Variants in PLD5 observed in about 807,000 individuals in gnomAD.
PLD5 encodes the protein inactive phospholipase D5.
Under a neutral mutation model 61.1 loss-of-function variants are expected in PLD5, and 36 were observed. The ratio of observed to expected loss-of-function variants is 0.59; its 90% CI spans 0.45 to 0.78. The LOEUF (loss-of-function observed/expected upper bound fraction) is 0.78. Ranked by LOEUF, PLD5 falls within the 30% of genes least tolerant of loss-of-function variation. The pLI, the probability that PLD5 is intolerant of heterozygous loss-of-function variation, is 0.00. For missense variants in PLD5, 515 were observed against 644.4 expected, an observed-to-expected ratio of 0.80 and a Z score of 2.17; for synonymous variants, 243 against 242.8, an observed-to-expected ratio of 1.00 and a Z score of -0.01.
In PLD5 at chr1:242,524,354, G is replaced by C; in HGVS notation, c.-78C>G. 7.7e-7 allele frequency: 1 copy of C among 1,290,518 alleles called. No homozygotes were observed. The highest frequency in any genetic ancestry group is 9.9e-7 in the Non-Finnish European group (1 of 1,006,120). 79.9% of individuals were successfully genotyped at this position (1,290,518 alleles called of 1,614,324 possible). A position where few individuals can be genotyped will look rare whatever the true frequency, so the allele number is the denominator to read the frequency against. ...GGGGAGCCGGGCGCGGAGGGCGAGC[G>C]GGAGGCCCAGCGGGAGCCGGAGGTG... On this transcript the variant is annotated 5_prime_UTR_variant, in exon 1 of 10. Transcript: ENST00000536534.
At chr1:242,450,427 G>A (rs918477619) in intron 1 of PLD5, among the ~76,000 whole-genome samples, 4 of 152,190 alleles carry the variant, frequency 2.6e-5, no homozygotes, top group African/African-American at 7.2e-5. Flanking sequence ...TCCCATTACT[G>A]TTGGAAATGT....
At chr1:242,282,213 C>T (rs1434756556) in intron 3 of PLD5, among the ~76,000 whole-genome samples, 1 of 152,228 alleles carries the variant, frequency 6.6e-6, no homozygotes, top group African/African-American at 2.4e-5. Context: ...TTAATCTGCA[C>T]AACCACCTAT....
chr1:242,445,909 C>T (rs1278700060), intron 1 of PLD5, among the ~76,000 whole-genome samples: 2 of 151,894 alleles, frequency 1.3e-5, no homozygotes, highest in African/African-American at 2.4e-5. Context: ...CTCTACCATT[C>T]TAATTTAAAT....
chr1:242,211,320 C>A (rs1209027177), intron 5 of PLD5, among the ~76,000 whole-genome samples: 1 of 152,134 alleles, frequency 6.6e-6, no homozygotes, highest in South Asian at 2.1e-4. Context: ...CAGCCTAATC[C>A]TTACCTTGAG....
intron 3 of PLD5, among the ~76,000 whole-genome samples, chr1:242,279,161 C>T (rs1674575330): frequency 1.3e-5 from 2 of 152,214 alleles, no homozygotes; most frequent in African/African-American, 4.8e-5. Context: ...TACTCATTTA[C>T]ATCACTACTG....
At chr1:242,146,554 G>T (rs913824093) in intron 5 of PLD5, among the ~76,000 whole-genome samples, 1 of 151,958 alleles carries the variant, frequency 6.6e-6, no homozygotes, top group Non-Finnish European at 1.5e-5. Context: ...TTCACAGCAT[G>T]CCATACACTT....
At chr1:242,468,421 G>T (rs76935590) in intron 1 of PLD5, among the ~76,000 whole-genome samples, 2 of 152,022 alleles carry the variant, frequency 1.3e-5, no homozygotes, top group East Asian at 1.9e-4. Context: ...CAAGTAATTT[G>T]GGGGCAAAGT....
chr1:242,339,349 T>C (rs1334354877), intron 2 of PLD5, among the ~76,000 whole-genome samples: 2 of 152,094 alleles, frequency 1.3e-5, no homozygotes, highest in Admixed American at 1.3e-4. Flanking sequence ...ATGCTGATAA[T>C]GCCAATAAAA....
At chr1:242,338,739 G>T (rs10803037) in intron 2 of PLD5, among the ~76,000 whole-genome samples, 129,774 of 152,028 alleles carry the variant, frequency 0.85, 56,373 homozygotes, top group Non-Finnish European at 0.94. Context: ...TTCTGGATAT[G>T]GGGCTAATCA....
chr1:242,282,648 C>T lies in PLD5; in HGVS notation c.495+5714G>A, dbSNP rs562329216. ...CATTAATTATTTTATAGGTTCCTCA[C>T]AGTGAATTCATAGAGTGTGAGATTT... On this transcript the variant is annotated intron_variant, in intron 3 of 9. Transcript: ENST00000536534. 2.6e-5 allele frequency among the ~76,000 whole-genome samples: 4 copies of T among 152,190 alleles called. No individual in the cohort carries two copies. The South Asian group carries it at 8.3e-4, about 32-fold the overall frequency.
At position 242,400,713 on chromosome 1, in the gene PLD5, TTCCCACCAC is replaced by T. The variant is rs1663882484; in HGVS notation, c.190-52480_190-52472del. ...CTCTGATTCCAAGTCCCGGGATCTT[TTCCCACCAC>T]CCGCCTGCTTTTCCAGCCCCCAAGA... is the stretch of plus-strand genomic sequence containing the variant. On this transcript the variant is annotated intron_variant, in intron 1 of 9. Coordinates refer to ENST00000536534, the MANE Select transcript of PLD5 (RefSeq NM_001372062.1). 2.0e-5 allele frequency among the ~76,000 whole-genome samples: 3 copies of T among 152,226 alleles called. No homozygotes were observed. In the South Asian group the frequency reaches 6.2e-4, roughly 32 times the overall value.
At chr1:242,271,179 T>TACACACACACACACAC (rs375177006) in intron 3 of PLD5, among the ~76,000 whole-genome samples, 1 of 95,752 alleles carries the variant, frequency 1.0e-5, no homozygotes, top group African/African-American at 4.6e-5. Flanking sequence ...CATGTGCATG[T>TACACACACACACACAC]ACACACACAC....
At chr1:242,105,027 T>C (rs754216428) in intron 8 of PLD5, among the ~76,000 whole-genome samples, 1 of 152,216 alleles carries the variant, frequency 6.6e-6, no homozygotes, top group East Asian at 1.9e-4. Context: ...ATTGGTTTAC[T>C]CAATGGACAG....
intron 5 of PLD5, among the ~76,000 whole-genome samples, chr1:242,132,192 C>CGGGGGGG (rs58312459): frequency 4.8e-5 from 1 of 20,994 alleles, no homozygotes; most frequent in African/African-American, 2.0e-4. Flanking sequence ...GCAGTGATTG[C>CGGGGGGG]GGGGGGGGGG....
At chr1:242,393,189 A>C (rs1422086876) in intron 1 of PLD5, among the ~76,000 whole-genome samples, 3 of 139,564 alleles carry the variant, frequency 2.1e-5, no homozygotes, top group Non-Finnish European at 4.5e-5. Context: ...GGATAAGACG[A>C]CGACTCCGTC....
chr1:242,208,587 G>A (rs1669591806), intron 5 of PLD5, among the ~76,000 whole-genome samples: 1 of 152,156 alleles, frequency 6.6e-6, no homozygotes. Context: ...GAGATTAGAT[G>A]CATCAGTGAT....
chr1:242,110,026 T>C (rs901182623), intron 7 of PLD5, among the ~76,000 whole-genome samples: 1 of 147,714 alleles, frequency 6.8e-6, no homozygotes, highest in Non-Finnish European at 1.5e-5. Flanking sequence ...AGAATCACAT[T>C]ATATTATTAT....
At chr1:242,456,884 G>A (rs775810418) in intron 1 of PLD5, among the ~76,000 whole-genome samples, 10 of 152,010 alleles carry the variant, frequency 6.6e-5, no homozygotes, top group African/African-American at 9.7e-5. Flanking sequence ...CACTGCGTCC[G>A]TAACACTATT....
intron 1 of PLD5, among the ~76,000 whole-genome samples, chr1:242,459,891 C>T (rs1045927083): frequency 1.3e-5 from 2 of 152,128 alleles, no homozygotes; most frequent in African/African-American, 2.4e-5. Flanking sequence ...GGGCTATAAA[C>T]GCCCTCATCT....
Sources: gnomAD v4.1 joint callset for allele counts (sites outside exome capture counted in the v4.1 genomes callset) on GRCh38, gnomAD v4.1.1 for gene constraint, MANE v1.5 for transcripts, NCBI Gene and HGNC (gene_info 2026-07-23, HGNC 2026-07-21) for gene names.